ATG2B: variants seen among roughly 807,000 people sequenced by gnomAD.
ATG2B encodes the protein autophagy related 2B.
A neutral mutation model predicts 241.3 loss-of-function variants in ATG2B; 121 were observed. The ratio of observed to expected loss-of-function variants is 0.50; its 90% CI spans 0.43 to 0.58. The LOEUF (loss-of-function observed/expected upper bound fraction) is 0.58, where lower values mean the gene tolerates loss of function less well. Among genes scored for constraint, ATG2B ranks in the 20% least tolerant of loss-of-function variants. ATG2B has a pLI of 0.00. For missense variants in ATG2B, 2,306 were observed against 2,491.6 expected, an observed-to-expected ratio of 0.93 and a Z score of 1.59; for synonymous variants, 858 against 876.6, an observed-to-expected ratio of 0.98 and a Z score of 0.37.
rs1448014050 is a variant in ATG2B, at chr14:96,281,837, C to T, written c.*3918G>A. 6.6e-6 allele frequency: 1 copy of T among 152,164 alleles called. No homozygotes were observed. Among genetic ancestry groups the T allele is most frequent in the African/African-American group, 2.4e-5 (1 of 41,436 alleles). 9.4% of individuals were successfully genotyped at this position (152,164 alleles called of 1,614,324 possible). A position where few individuals can be genotyped will look rare whatever the true frequency, so the allele number is the denominator to read the frequency against. ...GGAAAGCAAAATATACCTCTAACACCTACGTTTACCAAAAAAGCTGACATC... is the reference window on the plus strand; with the variant it reads ...GGAAAGCAAAATATACCTCTAACACTTACGTTTACCAAAAAAGCTGACATC... On this transcript the variant is annotated 3_prime_UTR_variant, in exon 42 of 42. Coordinates refer to ENST00000359933, the MANE Select transcript of ATG2B (RefSeq NM_018036.7).
intron 1 of ATG2B, among the ~76,000 whole-genome samples, chr14:96,353,569 A>G (rs1009492964): frequency 6.6e-6 from 1 of 151,984 alleles, no homozygotes; most frequent in South Asian, 2.1e-4. Context: ...GAGGTTGCAG[A>G]GAGCCGAGAT....
chr14:96,343,459 G>A (rs1434563810), intron 4 of ATG2B, among the ~76,000 whole-genome samples, 178 bp from the exon 5 acceptor site: 1 of 152,036 alleles, frequency 6.6e-6, no homozygotes, highest in Non-Finnish European at 1.5e-5. Flanking sequence ...TTTACAATAA[G>A]AAACGCACAT....
In ATG2B at chr14:96,289,754, C is replaced by G. The variant is rs758833442; in HGVS notation, c.5908G>C (p.Glu1970Gln). The G allele has an allele frequency of 6.2e-7, 1 of 1,614,002 alleles. No homozygotes were observed. Among genetic ancestry groups the G allele is most frequent in the Non-Finnish European group, 8.5e-7 (1 of 1,179,994 alleles). The change falls in exon 41 of 42, where the codon GAG becomes CAG. Residue 1970 changes from glutamate to glutamine, a missense_variant. Around this residue, in one of 2 missense-constraint regions of ATG2B, gnomAD observed 379 missense variants for 480.4 expected, o/e 0.79. Transcript: ENST00000359933. The surrounding 1 kb of genome is among the most constrained non-coding windows in gnomAD (Gnocchi z 4.3). ...DMVSPGTLSI[E>Q]PKKTKRFPHH... ...GGAAACCTTTTGGTCTTCTTGGGCT[C>G]GATAGAAAGGGTACCAGGAGACACC... is the stretch of plus-strand genomic sequence containing the variant.
chr14:96,294,413 G>A (rs556769899), intron 36 of ATG2B, among the ~76,000 whole-genome samples: 33 of 152,356 alleles, frequency 2.2e-4, no homozygotes, highest in Non-Finnish European at 4.3e-4. Flanking sequence ...GCAGTGTGCT[G>A]TGCTCGAGCT....
At chr14:96,307,248 C>G (rs893132037) in intron 29 of ATG2B, among the ~76,000 whole-genome samples, 6 of 151,944 alleles carry the variant, frequency 3.9e-5, no homozygotes, top group African/African-American at 1.2e-4. Flanking sequence ...CCTGTCTCTA[C>G]TAAAAATACA....
Position 96,289,664 on chromosome 14 carries a change from C to A in ATG2B, c.5998G>T (p.Val2000Leu), listed in dbSNP as rs1886429428. ...CCCAAGTATTCAGTTACCTCTTTCACAACACTGTAGGCCTTGGCCACACCT... is the reference window on the plus strand; with the variant it reads ...CCCAAGTATTCAGTTACCTCTTTCAAAACACTGTAGGCCTTGGCCACACCT... ...REGVAKAYSV[V>L]KEGITDTAQT... is the part of the protein sequence containing the mutation. The change falls in exon 41 of 42, where the codon GTG becomes TTG. Residue 2000 changes from valine (V) to leucine (L), a missense_variant. Coordinates refer to ENST00000359933, the MANE Select transcript of ATG2B (RefSeq NM_018036.7). The surrounding 1 kb of genome is among the most constrained non-coding windows in gnomAD (Gnocchi z 4.3). 6.2e-7 allele frequency: 1 copy of A among 1,613,990 alleles called. No homozygotes were observed. The highest frequency in any genetic ancestry group is 1.3e-5 in the African/African-American group (1 of 74,940).
At position 96,281,921 on chromosome 14, in the gene ATG2B, G is replaced by A. The variant is rs141769429; in HGVS notation, c.*3834C>T. ...ATCCCCAAAGAAGCCTATTACGGTA[G>A]TGTGTTGGATGCTTTTTGTATCTCT... On this transcript the variant is annotated 3_prime_UTR_variant, in exon 42 of 42. Transcript: ENST00000359933. The A allele has an allele frequency of 7.9e-5, 12 of 152,338 alleles. No homozygotes were observed. The highest frequency in any genetic ancestry group is 2.9e-4 in the African/African-American group (12 of 41,574). 9.4% of individuals were successfully genotyped at this position (152,338 alleles called of 1,614,324 possible).
intron 5 of ATG2B, among the ~76,000 whole-genome samples, chr14:96,342,501 C>T (rs1595329559): frequency 6.6e-6 from 1 of 152,062 alleles, no homozygotes; most frequent in South Asian, 2.1e-4. Flanking sequence ...GCAGGTGGAT[C>T]GCCTGAGGTC....
In ATG2B at chr14:96,353,659, T is replaced by TATAA. The variant is rs533244541; in HGVS notation, c.163-6319_163-6318insTTAT. On this transcript the variant is annotated intron_variant, in intron 1 of 41. Transcript: ENST00000359933. Reference sequence around the variant, plus strand: ...TTCATATTTTATATATATATATATATAAATCATTAAAGGAATTAAAATGTT... The same window carrying TATAA: ...TTCATATTTTATATATATATATATATATAAAAATCATTAAAGGAATTAAAATGTT... Among the ~76,000 whole-genome samples the TATAA allele has an allele frequency of 7.8e-3, 1,156 of 148,858 alleles. 10 individuals are homozygous for TATAA. The highest frequency in any genetic ancestry group is 0.012 in the Non-Finnish European group (800 of 66,730).
chr14:96,295,242 A>G lies in ATG2B; in HGVS notation c.5219-75T>C, dbSNP rs893385794. ...CAAACATTTAAATCAATCTTGATCT[A>G]ATTTGTTTTTCTACATTTTATTTAA... is the stretch of plus-strand genomic sequence containing the variant. On this transcript the variant is annotated intron_variant, in intron 35 of 41. Coordinates refer to ENST00000359933, the MANE Select transcript of ATG2B (RefSeq NM_018036.7). 1.5e-5 allele frequency: 20 copies of G among 1,331,216 alleles called. No individual in the cohort carries two copies. The African/African-American group carries it at 1.8e-4, about 12-fold the overall frequency. The allele number at this position is 1,331,216 out of a possible 1,614,324, so 82.5% of individuals were successfully genotyped here. A position where few individuals can be genotyped will look rare whatever the true frequency, so the allele number is the denominator to read the frequency against.
intron 41 of ATG2B, among the ~76,000 whole-genome samples, chr14:96,287,199 A>G (rs976843482): frequency 7.2e-6 from 1 of 138,208 alleles, no homozygotes. Flanking sequence ...GCTTGCAGAG[A>G]GCCGAGATCA....
chr14:96,293,373 T>C (rs1054781811), intron 36 of ATG2B, among the ~76,000 whole-genome samples: 14 of 152,220 alleles, frequency 9.2e-5, no homozygotes, highest in African/African-American at 3.1e-4. Context: ...TGGCACATAT[T>C]AATAGGACAA....
intron 2 of ATG2B, 145 bp downstream of exon 2, chr14:96,347,034 T>G (rs577339413): frequency 1.6e-6 from 1 of 609,490 alleles, no homozygotes; most frequent in African/African-American, 1.8e-5. Flanking sequence ...AACATGCACA[T>G]TCTACAAAGA....
chr14:96,322,191 G>A lies in ATG2B; in HGVS notation c.2800C>T (p.His934Tyr). The A allele has an allele frequency of 1.3e-6, 2 of 1,592,424 alleles. No homozygotes were observed. Among genetic ancestry groups the A allele is most frequent in the Non-Finnish European group, 1.7e-6 (2 of 1,173,246 alleles). The change falls in exon 18 of 42, where the codon CAC (histidine) becomes TAC (tyrosine). Residue 934 changes from histidine to tyrosine, a missense_variant. Around this residue, in one of 2 missense-constraint regions of ATG2B, gnomAD observed 1,927 missense variants for 2,011.2 expected, o/e 0.96. Coordinates refer to ENST00000359933, the MANE Select transcript of ATG2B (RefSeq NM_018036.7). ...GGTAACGTAAGTTCCAGCACATAGT[G>A]AGAATTGCTGATTGCTTTATCCTGA... Reference protein sequence around the residue: ...EFQDKAISNSHYVLELTLPNI... With the variant: ...EFQDKAISNSYYVLELTLPNI...
intron 11 of ATG2B, 56 bp downstream of exon 11, chr14:96,331,320 G>A (rs961044991): frequency 1.9e-5 from 28 of 1,499,794 alleles, no homozygotes; most frequent in Non-Finnish European, 2.5e-5. Context: ...CTTTTTCAAG[G>A]ATCATTAGCA....
chr14:96,301,304 A>G (rs577965322), intron 34 of ATG2B, among the ~76,000 whole-genome samples: 4 of 76,838 alleles, frequency 5.2e-5, no homozygotes, highest in Admixed American at 1.3e-4. Flanking sequence ...CCGAAGCCAT[A>G]CAACTAGTAA....
chr14:96,340,122 TATATATATCATATATG>T (rs1887982910), intron 6 of ATG2B, among the ~76,000 whole-genome samples: 4 of 14,384 alleles, frequency 2.8e-4, no homozygotes, highest in Non-Finnish European at 5.9e-4. Context: ...TATATATGAA[TATATATATCATATATG>T]ATATATATGA....
At chr14:96,297,433 T>C (rs1334294539) in intron 34 of ATG2B, among the ~76,000 whole-genome samples, 2 of 152,212 alleles carry the variant, frequency 1.3e-5, no homozygotes, top group Non-Finnish European at 2.9e-5. Context: ...AGTCTCGCTC[T>C]GTTGCCCAGG....
Position 96,297,428 on chromosome 14 carries a change from C to T in ATG2B, c.5140-1868G>A, listed in dbSNP as rs561565531. Among the ~76,000 whole-genome samples the T allele has an allele frequency of 6.6e-5, 10 of 152,240 alleles. No homozygotes were observed. In the South Asian group the frequency reaches 1.7e-3, roughly 25 times the overall value. On this transcript the variant is annotated intron_variant, in intron 34 of 41. Transcript: ENST00000359933. ...TTTGTTTTGTTTTGAGACAGAGTCT[C>T]GCTCTGTTGCCCAGGCTGGAGTGCA...
Sources: gnomAD v4.1 joint callset for allele counts (sites outside exome capture counted in the v4.1 genomes callset) on GRCh38, gnomAD v4.1.1 for gene constraint, gnomAD v4.1.1 regional missense constraint, Gnocchi (gnomAD v3.1) non-coding constraint, MANE v1.5 for transcripts, NCBI Gene and HGNC (gene_info 2026-07-23, HGNC 2026-07-21) for gene names.